NDUFA13: variants seen among roughly 807,000 people sequenced by gnomAD.
NDUFA13 encodes the protein NADH:ubiquinone oxidoreductase subunit A13.
Under a neutral mutation model 17.0 loss-of-function variants are expected in NDUFA13, and 16 were observed. The ratio of observed to expected loss-of-function variants is 0.94; its 90% CI spans 0.64 to 1.43. The LOEUF is 1.43. NDUFA13 is among the 40% of genes most tolerant of loss of function. The pLI is 0.00. For synonymous variants in NDUFA13, 87 were observed against 78.4 expected (o/e 1.11, Z -0.58); for missense variants, 228 against 206.7 (o/e 1.10, Z -0.63).
chr19:19,522,179 C>G (rs893960988), intron 1 of NDUFA13, among the ~76,000 whole-genome samples: 37 of 151,688 alleles, frequency 2.4e-4, no homozygotes, highest in Non-Finnish European at 7.4e-5. Flanking sequence ...GTGGCGGGCA[C>G]CTGTAGTCCC....
chr19:19,526,073 TC>T, intron 1 of NDUFA13, 108 bp from the exon 2 acceptor site: 1 of 1,545,042 alleles, frequency 6.5e-7, no homozygotes, highest in Non-Finnish European at 8.7e-7. Context: ...GCAGCCTCAC[TC>T]CTGAGAAGCC....
intron 1 of NDUFA13, 52 bp downstream of exon 1, chr19:19,516,384 G>A (rs1003645138): frequency 1.3e-6 from 2 of 1,596,402 alleles, no homozygotes; most frequent in Non-Finnish European, 1.7e-6. Flanking sequence ...CGGGGCTCGG[G>A]GGCGGGGTTC....
intron 1 of NDUFA13, among the ~76,000 whole-genome samples, chr19:19,524,625 G>A (rs1450003998): frequency 6.6e-6 from 1 of 152,158 alleles, no homozygotes; most frequent in African/African-American, 2.4e-5. Flanking sequence ...GGCCAATATG[G>A]TGAAACCCTG....
intron 2 of NDUFA13, 104 bp from the exon 3 acceptor site, chr19:19,527,176 CT>C: frequency 3.3e-6 from 4 of 1,213,302 alleles, no homozygotes; most frequent in Admixed American, 1.9e-5. Context: ...CCCCGCCCCC[CT>C]CCGCCTCTTC....
Position 19,527,782 on chromosome 19 carries a change from C to T in NDUFA13, c.315+12C>T. 1 of 1,551,888 alleles carries T rather than the reference C, an allele frequency of 6.4e-7. No individual in the cohort carries two copies. Among genetic ancestry groups the T allele is most frequent in the Non-Finnish European group, 8.7e-7 (1 of 1,147,098 alleles). On this transcript the variant is annotated intron_variant, in intron 4 of 4. Transcript: ENST00000507754. Reference sequence around the variant, plus strand: ...TGCCCGACTGGAAGGTGGGTCCCGGCTGGGAGGGCAGAGGTGCCAGCCACG... The same window carrying T: ...TGCCCGACTGGAAGGTGGGTCCCGGTTGGGAGGGCAGAGGTGCCAGCCACG...
intron 1 of NDUFA13, 123 bp downstream of exon 1, chr19:19,516,455 C>T (rs2061049384): frequency 9.9e-7 from 1 of 1,014,086 alleles, no homozygotes; most frequent in African/African-American, 1.6e-5. Flanking sequence ...GCCCGGGGAT[C>T]CATCATAGCT....
At chr19:19,516,526 G>GT (rs1287322731) in intron 1 of NDUFA13, among the ~76,000 whole-genome samples, 194 bp downstream of exon 1, 1 of 152,332 alleles carries the variant, frequency 6.6e-6, no homozygotes, top group Non-Finnish European at 1.5e-5. Flanking sequence ...CTTCCTTCTC[G>GT]TAACAGCCCA....
At position 19,527,309 on chromosome 19, in the gene NDUFA13, C is replaced by G. The variant is rs527468313; in HGVS notation, c.202C>G (p.Arg68Gly). The G allele has an allele frequency of 6.2e-7, 1 of 1,613,942 alleles. No homozygotes were observed. Among genetic ancestry groups the G allele is most frequent in the East Asian group, 2.2e-5 (1 of 44,878 alleles). ...CCTACAAATCGAGGACTTCGAGGCT[C>G]GCATCGCGCTGTTGCCACTGTTACA... The part of the protein sequence containing the change: ...RRLQIEDFEA[R>G]IALLPLLQAE... Residue 68 changes from arginine (R) to glycine (G), a missense_variant, in exon 3 of 5, where the codon CGC (arginine) becomes GGC (glycine). Transcript: ENST00000507754.
intron 1 of NDUFA13, among the ~76,000 whole-genome samples, 179 bp downstream of exon 1, chr19:19,516,511 C>T (rs1244423211): frequency 6.6e-6 from 1 of 152,254 alleles, no homozygotes; most frequent in African/African-American, 2.4e-5. Flanking sequence ...TCTTTCCCAG[C>T]TCCTCTTCCT....
intron 1 of NDUFA13, among the ~76,000 whole-genome samples, chr19:19,522,477 C>CTTCTTTTTTTT (rs2061082236): frequency 1.1e-5 from 1 of 95,036 alleles, no homozygotes; most frequent in African/African-American, 4.8e-5. Context: ...GTCTTTGATC[C>CTTCTTTTTTTT]TTTTTTTTTT....
intron 1 of NDUFA13, among the ~76,000 whole-genome samples, chr19:19,520,407 A>T (rs1388085647): frequency 1.3e-5 from 2 of 152,172 alleles, no homozygotes; most frequent in Admixed American, 6.5e-5. Context: ...AAGCGGATGG[A>T]TCACCTGAGC....
At chr19:19,521,443 C>A (rs1199620909) in intron 1 of NDUFA13, among the ~76,000 whole-genome samples, 3 of 152,248 alleles carry the variant, frequency 2.0e-5, no homozygotes, top group African/African-American at 7.2e-5. Flanking sequence ...GTGTCGAACT[C>A]CTGGGCTCAA....
rs183574287 is a variant in NDUFA13 at position 19,518,283 on chromosome 19, A to G, written c.94+1951A>G. On this transcript the variant is annotated intron_variant, in intron 1 of 4. Coordinates refer to ENST00000507754, the MANE Select transcript of NDUFA13 (RefSeq NM_015965.7). ...AGAGTCTCATTCTGTCACCCAGGCT[A>G]GAGTGCAGTGGCCCGATCTTGGCTC... Among the ~76,000 whole-genome samples the G allele has an allele frequency of 5.3e-5, 8 of 151,202 alleles. No homozygotes were observed. The East Asian group carries it at 1.6e-3, about 30-fold the overall frequency.
intron 1 of NDUFA13, among the ~76,000 whole-genome samples, chr19:19,525,095 T>C (rs2061094337): frequency 6.6e-6 from 1 of 152,098 alleles, no homozygotes; most frequent in East Asian, 1.9e-4. Flanking sequence ...AAACCTCCCA[T>C]GTGCTAGACA....
intron 1 of NDUFA13, among the ~76,000 whole-genome samples, chr19:19,520,625 A>C (rs1256269155): frequency 6.6e-6 from 1 of 152,100 alleles, no homozygotes; most frequent in African/African-American, 2.4e-5. Context: ...GTAAGACTCC[A>C]TCTCAAAAAA....
chr19:19,520,809 C>T (rs1016184380), intron 1 of NDUFA13, among the ~76,000 whole-genome samples: 9 of 152,338 alleles, frequency 5.9e-5, no homozygotes, highest in African/African-American at 2.2e-4. Flanking sequence ...GCTTCCTTCT[C>T]TGTGGATTTG....
chr19:19,518,135 AAG>A (rs1371519769), intron 1 of NDUFA13, among the ~76,000 whole-genome samples: 3 of 151,894 alleles, frequency 2.0e-5, no homozygotes, highest in African/African-American at 4.8e-5. Flanking sequence ...AAAAAAAAAA[AAG>A]AGGCTTCAGG....
At chr19:19,527,162 G>GCCAACCCC in intron 2 of NDUFA13, 119 bp from the exon 3 acceptor site, 1 of 837,466 alleles carries the variant, frequency 1.2e-6, no homozygotes, top group Non-Finnish European at 1.8e-6. Flanking sequence ...CCCCCTGCCT[G>GCCAACCCC]CCTCCCCGCC....
chr19:19,527,202 TG>T, intron 2 of NDUFA13, 78 bp from the exon 3 acceptor site: 2 of 778,686 alleles, frequency 2.6e-6, no homozygotes, highest in East Asian at 4.8e-5. Context: ...AGCAGCACCC[TG>T]GCCCCTGAGG....
Sources: allele counts gnomAD v4.1 joint callset (sites outside exome capture counted in the v4.1 genomes callset), GRCh38; gene constraint gnomAD v4.1.1; transcripts MANE v1.5; gene names NCBI Gene and HGNC (gene_info 2026-07-23, HGNC 2026-07-21).